The following ZNF267 variants were observed in gnomAD, a reference collection of about 807,000 sequenced individuals.
The protein encoded by ZNF267 is zinc finger (C2H2).
ZNF267 carries 61 observed loss-of-function variants against 71.6 expected under a neutral mutation model. That is an observed-to-expected ratio of 0.85 (90% CI 0.69 to 1.05). ZNF267 has a LOEUF of 1.05. Ranked by LOEUF, ZNF267 falls within the 50% of genes least tolerant of loss-of-function variation. The pLI, the probability that ZNF267 is intolerant of heterozygous loss-of-function variation, is 0.00. For synonymous variants in ZNF267, 288 were observed against 293.2 expected (o/e 0.98, Z 0.18); for missense variants, 852 against 870.0 (o/e 0.98, Z 0.26).
intron 3 of ZNF267, among the ~76,000 whole-genome samples, chr16:31,888,505 A>T (rs1190885511): frequency 6.6e-6 from 1 of 152,040 alleles, no homozygotes; most frequent in African/African-American, 2.4e-5. Flanking sequence ...ATACTTTTGT[A>T]TGTATGTTGT....
chr16:31,910,020 G>T (rs548859034), intron 3 of ZNF267, among the ~76,000 whole-genome samples: 1 of 152,264 alleles, frequency 6.6e-6, no homozygotes, highest in South Asian at 2.1e-4. Flanking sequence ...CAGTTGAAAT[G>T]ATCATATGAT....
At chr16:31,881,823 C>T (rs2083892543) in intron 1 of ZNF267, among the ~76,000 whole-genome samples, 1 of 151,980 alleles carries the variant, frequency 6.6e-6, no homozygotes, top group Admixed American at 6.6e-5. Flanking sequence ...TGCCACCATG[C>T]ACAGCTGATT....
intron 3 of ZNF267, among the ~76,000 whole-genome samples, chr16:31,905,534 T>G (rs2142355471): frequency 6.6e-6 from 1 of 152,318 alleles, no homozygotes; most frequent in East Asian, 1.9e-4. Flanking sequence ...ATTTCATTCA[T>G]TTCATCTTCC....
rs991259392 is a variant in ZNF267, at chr16:31,884,549, G to T, written c.55G>T (p.Glu19Ter). The change falls in exon 2 of 4, where the codon GAA (glutamate) becomes TAA (stop). Residue 19 changes from glutamate (E) to a stop codon, truncating the protein, a stop_gained. Transcript: ENST00000300870. LOFTEE classifies it high-confidence loss of function. ...CGTAGAATTCTCTTTGGAGGAGTGG[G>T]AACACCTGGAACCAGCTCAGAAGAA... ...VAVEFSLEEW[E>*]HLEPAQKNLY... The T allele has an allele frequency of 6.2e-7, 1 of 1,614,120 alleles. No individual in the cohort carries two copies. The highest frequency in any genetic ancestry group is 1.3e-5 in the African/African-American group (1 of 75,036).
chr16:31,906,632 C>A (rs916531005), intron 3 of ZNF267, among the ~76,000 whole-genome samples: 1 of 152,158 alleles, frequency 6.6e-6, no homozygotes, highest in Non-Finnish European at 1.5e-5. Context: ...TGGAAAAGCG[C>A]TGTATTAGGG....
intron 1 of ZNF267, among the ~76,000 whole-genome samples, chr16:31,882,509 A>C (rs1311524970): frequency 6.6e-6 from 1 of 152,190 alleles, no homozygotes; most frequent in African/African-American, 2.4e-5. Flanking sequence ...GAAACTTTCC[A>C]AACCTGCAGA....
At chr16:31,881,802 G>A (rs761484646) in intron 1 of ZNF267, among the ~76,000 whole-genome samples, 28 of 151,804 alleles carry the variant, frequency 1.8e-4, no homozygotes, top group Non-Finnish European at 4.0e-4. Context: ...GAGTAGCTGG[G>A]ATTATAGGTG....
intron 3 of ZNF267, among the ~76,000 whole-genome samples, chr16:31,905,479 T>G (rs187675760): frequency 1.4e-3 from 210 of 152,332 alleles, no homozygotes; most frequent in Admixed American, 3.3e-3. Flanking sequence ...GAGGCTTTGT[T>G]CGTTTCTTTT....
intron 3 of ZNF267, among the ~76,000 whole-genome samples, chr16:31,900,957 C>A (rs528457522): frequency 1.1e-4 from 16 of 152,060 alleles, no homozygotes; most frequent in African/African-American, 2.2e-4. Flanking sequence ...CCTCTCCCCC[C>A]ACCCCACAAC....
intron 3 of ZNF267, among the ~76,000 whole-genome samples, chr16:31,902,325 G>A (rs1244787452): frequency 1.3e-5 from 2 of 152,000 alleles, no homozygotes; most frequent in Non-Finnish European, 2.9e-5. Flanking sequence ...TTCCAATTCT[G>A]TGAAGAAAGT....
At chr16:31,914,183 C>G (rs941099128) in intron 3 of ZNF267, 6 of 320,492 alleles carry the variant, frequency 1.9e-5, no homozygotes, top group Non-Finnish European at 3.4e-5. Flanking sequence ...GTCCCCTAGT[C>G]ACTGTGCTCT....
At chr16:31,892,326 C>G (rs1384010221) in intron 3 of ZNF267, among the ~76,000 whole-genome samples, 2 of 152,134 alleles carry the variant, frequency 1.3e-5, no homozygotes, top group Non-Finnish European at 1.5e-5. Flanking sequence ...GACCTGCCCC[C>G]ATGATTCAGT....
At chr16:31,889,200 T>C (rs2083943898) in intron 3 of ZNF267, among the ~76,000 whole-genome samples, 1 of 151,756 alleles carries the variant, frequency 6.6e-6, no homozygotes, top group African/African-American at 2.4e-5. Flanking sequence ...AGGAAAAGTT[T>C]GTTCATTTTG....
intron 3 of ZNF267, among the ~76,000 whole-genome samples, chr16:31,895,419 A>G (rs565375205): frequency 2.6e-5 from 4 of 152,232 alleles, no homozygotes; most frequent in South Asian, 2.1e-4. Flanking sequence ...TAGTGCTGCA[A>G]TAAACATGGG....
intron 3 of ZNF267, among the ~76,000 whole-genome samples, chr16:31,900,679 C>A (rs190319328): frequency 6.6e-6 from 1 of 150,714 alleles, no homozygotes; most frequent in Middle Eastern, 3.2e-3. Context: ...CTCCTGACCT[C>A]GTGATCCACC....
Position 31,915,000 on chromosome 16 carries a change from G to T in ZNF267, c.751G>T (p.Glu251Ter). 1 of 1,608,808 alleles carries T rather than the reference G, an allele frequency of 6.2e-7. No individual in the cohort carries two copies. Among genetic ancestry groups the T allele is most frequent in the Non-Finnish European group, 8.5e-7 (1 of 1,178,608 alleles). ...ACAATACAAATGTAAAGAATTTGAG[G>T]AAGTCTTTCTTCAGAGTATGCATGG... ...EKQYKCKEFE[E>*]VFLQSMHGQE... Residue 251 changes from glutamate to a stop codon, truncating the protein, a stop_gained, in exon 4 of 4, where the codon GAA (glutamate) becomes TAA (stop). Coordinates refer to ENST00000300870, the MANE Select transcript of ZNF267 (RefSeq NM_003414.6). LOFTEE classifies it high-confidence loss of function.
At chr16:31,904,232 G>A (rs1308487614) in intron 3 of ZNF267, among the ~76,000 whole-genome samples, 2 of 152,216 alleles carry the variant, frequency 1.3e-5, no homozygotes, top group African/African-American at 4.8e-5. Context: ...TGGAATAGGT[G>A]TGGTGTGGTG....
In ZNF267 at chr16:31,915,908, T is replaced by A. The variant is rs1244425812; in HGVS notation, c.1659T>A (p.Cys553Ter). ...AGAAACCCTATAAATGTAAAGAATG[T>A]GGCAAAGCCTTTCCTTATAGTTCAC... Reference protein sequence around the residue: ...TGEKPYKCKECGKAFPYSSHL... With the variant: ...TGEKPYKCKE Residue 553 changes from cysteine (C) to a stop codon, truncating the protein, a stop_gained, in exon 4 of 4, where the codon TGT (cysteine) becomes TGA (stop). Coordinates refer to ENST00000300870, the MANE Select transcript of ZNF267 (RefSeq NM_003414.6). LOFTEE classifies it high-confidence loss of function. 3 of 1,613,928 alleles carry A rather than the reference T, an allele frequency of 1.9e-6. No individual in the cohort carries two copies. Among genetic ancestry groups the A allele is most frequent in the Non-Finnish European group, 2.5e-6 (3 of 1,179,984 alleles).
At chr16:31,893,315 A>T (rs1395166412) in intron 3 of ZNF267, among the ~76,000 whole-genome samples, 1 of 152,240 alleles carries the variant, frequency 6.6e-6, no homozygotes, top group Admixed American at 6.5e-5. Flanking sequence ...GGCCTGACCC[A>T]GGAAACCACC....
Sources: allele counts gnomAD v4.1 joint callset (sites outside exome capture counted in the v4.1 genomes callset), GRCh38; gene constraint gnomAD v4.1.1; transcripts MANE v1.5; gene names NCBI Gene and HGNC (gene_info 2026-07-23, HGNC 2026-07-21).